HERC4: variants seen among roughly 807,000 people sequenced by gnomAD.
HERC4 encodes the protein HECT and RLD domain containing E3 ubiquitin protein ligase 4.
In HERC4, 28 loss-of-function variants were observed where a neutral mutation model predicts 124.3. The observed-to-expected ratio is 0.23, with a 90% CI of 0.17 to 0.31. HERC4 has a LOEUF of 0.31. Among genes scored for constraint, HERC4 ranks in the 10% least tolerant of loss-of-function variants. The pLI is 1.00. For missense variants in HERC4, 713 were observed against 1,229.3 expected, an observed-to-expected ratio of 0.58 and a Z score of 6.28; for synonymous variants, 407 against 421.5, an observed-to-expected ratio of 0.97 and a Z score of 0.42.
chr10:68,028,450 T>C (rs1284036348), intron 7 of HERC4, among the ~76,000 whole-genome samples: 2 of 152,198 alleles, frequency 1.3e-5, no homozygotes, highest in African/African-American at 4.8e-5. Flanking sequence ...GAGAGCACCG[T>C]AGTAATCTTT....
chr10:67,996,265 T>TC, intron 9 of HERC4: 1 of 337,604 alleles, frequency 3.0e-6, no homozygotes, highest in Non-Finnish European at 5.8e-6. Context: ...TTCTTCTTCT[T>TC]CTTTACAAAA....
intron 4 of HERC4, among the ~76,000 whole-genome samples, chr10:68,038,791 C>G (rs1382721302): frequency 6.6e-6 from 1 of 152,134 alleles, no homozygotes; most frequent in Non-Finnish European, 1.5e-5. Flanking sequence ...GTCTTATTTT[C>G]TTCTGTCTTG....
At chr10:68,060,079 T>C (rs192571396) in intron 3 of HERC4, among the ~76,000 whole-genome samples, 1 of 150,090 alleles carries the variant, frequency 6.7e-6, no homozygotes, top group African/African-American at 2.5e-5. Context: ...AGTCTGACTG[T>C]TCTCACCAAA....
chr10:67,970,500 G>A (rs545161820), intron 15 of HERC4, among the ~76,000 whole-genome samples: 15 of 152,046 alleles, frequency 9.9e-5, no homozygotes, highest in African/African-American at 2.9e-4. Flanking sequence ...GCTAAAGCAC[G>A]AGAATTGCTT....
rs1168555989 is a variant in HERC4 at position 67,996,246 on chromosome 10, T to G, written c.1070-3564A>C. The G allele has an allele frequency of 1.1e-5, 4 of 352,802 alleles. No homozygotes were observed. In the Admixed American group the frequency reaches 1.2e-4, roughly 10 times the overall value. 21.9% of individuals were successfully genotyped at this position (352,802 alleles called of 1,614,324 possible). A position where few individuals can be genotyped will look rare whatever the true frequency, so the allele number is the denominator to read the frequency against. ...GTGATCACGCCACTGCAATCCAGCC[T>G]GGGCAGCCTTCTTCTTCTTCTTTAC... On this transcript the variant is annotated intron_variant, in intron 9 of 24. Coordinates refer to ENST00000373700, the MANE Select transcript of HERC4 (RefSeq NM_015601.4).
chr10:68,006,434 C>T (rs1183671301), intron 9 of HERC4, among the ~76,000 whole-genome samples: 2 of 149,298 alleles, frequency 1.3e-5, no homozygotes, highest in African/African-American at 2.5e-5. Context: ...TGCAATGGTG[C>T]GATCTCAGCT....
At chr10:68,008,618 A>G (rs973317853) in intron 9 of HERC4, among the ~76,000 whole-genome samples, 1 of 152,190 alleles carries the variant, frequency 6.6e-6, no homozygotes, top group Admixed American at 6.5e-5. Flanking sequence ...TATTTTTAAT[A>G]AGCAATAGAT....
intron 22 of HERC4, among the ~76,000 whole-genome samples, chr10:67,933,618 T>A (rs908587880): frequency 2.4e-4 from 36 of 152,268 alleles, no homozygotes; most frequent in African/African-American, 7.0e-4. Context: ...AGTTTTTTTT[T>A]AAAACAAGGA....
intron 9 of HERC4, chr10:67,995,115 C>T (rs775942313): frequency 7.1e-5 from 24 of 336,746 alleles, no homozygotes; most frequent in Non-Finnish European, 1.1e-4. Flanking sequence ...TTGGCTTGGT[C>T]TTCTGTTCTG....
chr10:68,046,199 A>T (rs1012074729), intron 3 of HERC4, among the ~76,000 whole-genome samples: 1 of 152,154 alleles, frequency 6.6e-6, no homozygotes, highest in African/African-American at 2.4e-5. Flanking sequence ...CATAAATCTT[A>T]ATTATGAAGA....
intron 8 of HERC4, among the ~76,000 whole-genome samples, chr10:68,021,765 G>A (rs184445040): frequency 5.1e-4 from 78 of 152,120 alleles, no homozygotes; most frequent in East Asian, 2.9e-3. Context: ...CCGAGATCAC[G>A]CCATTGCACT....
chr10:68,005,401 C>A (rs1266278308), intron 9 of HERC4, among the ~76,000 whole-genome samples: 2 of 152,088 alleles, frequency 1.3e-5, no homozygotes, highest in Non-Finnish European at 2.9e-5. Context: ...CTTTTTCCAT[C>A]CCTTTATTTT....
At chr10:68,061,617 G>A (rs1320062154) in intron 3 of HERC4, among the ~76,000 whole-genome samples, 3 of 144,682 alleles carry the variant, frequency 2.1e-5, no homozygotes, top group Non-Finnish European at 4.5e-5. Context: ...AGTGGCTCAC[G>A]CCTGTAATCC....
At chr10:67,983,674 C>A (rs908675251) in intron 15 of HERC4, among the ~76,000 whole-genome samples, 3 of 151,280 alleles carry the variant, frequency 2.0e-5, no homozygotes, top group African/African-American at 7.3e-5. Flanking sequence ...GTGGTCCCAG[C>A]TGCTCGGGAG....
chr10:67,932,495 G>T (rs947301458), intron 23 of HERC4, 102 bp downstream of exon 23: 1 of 940,268 alleles, frequency 1.1e-6, no homozygotes, highest in African/African-American at 1.7e-5. Context: ...CTGTAAAATG[G>T]TAGTAATAAA....
rs568158697 is a variant in HERC4, at chr10:68,020,387, A to T, written c.908+5159T>A. 2.6e-5 allele frequency among the ~76,000 whole-genome samples: 4 copies of T among 152,242 alleles called. No individual in the cohort carries two copies. In the East Asian group the frequency reaches 7.7e-4, roughly 29 times the overall value. On this transcript the variant is annotated intron_variant, in intron 8 of 24. Coordinates refer to ENST00000373700, the MANE Select transcript of HERC4 (RefSeq NM_015601.4). Reference sequence around the variant, plus strand: ...AAAGACTAAATCAAACATCCTAAAGATGCTCAAAGAACTAGAGTAAGACGT... The same window carrying T: ...AAAGACTAAATCAAACATCCTAAAGTTGCTCAAAGAACTAGAGTAAGACGT...
chr10:67,966,613 A>C, intron 16 of HERC4, 70 bp downstream of exon 16: 1 of 1,459,414 alleles, frequency 6.9e-7, no homozygotes, highest in Middle Eastern at 2.0e-4. Context: ...TTCAAAACCA[A>C]GCAATTGTTT....
rs577170483 is a variant in HERC4 at position 67,952,409 on chromosome 10, G to A, written c.2337+2186C>T. 8.9e-4 allele frequency among the ~76,000 whole-genome samples: 135 copies of A among 151,878 alleles called. 1 individual carries two copies. Among genetic ancestry groups the A allele is most frequent in the African/African-American group, 2.9e-3 (122 of 41,486 alleles). On this transcript the variant is annotated intron_variant, in intron 19 of 24. Transcript: ENST00000373700. ...AGCGATTCTCCTGCCTCAGCTTTCC[G>A]AGTAGCTGGGATTACAGGCATGTAC...
intron 3 of HERC4, among the ~76,000 whole-genome samples, chr10:68,063,739 A>G (rs540869224): frequency 6.6e-6 from 1 of 152,164 alleles, no homozygotes; most frequent in South Asian, 2.1e-4. Context: ...GGAGTTTGAG[A>G]CCAGCCTGGT....
Sources: allele counts gnomAD v4.1 joint callset (sites outside exome capture counted in the v4.1 genomes callset), GRCh38; gene constraint gnomAD v4.1.1; transcripts MANE v1.5; gene names NCBI Gene and HGNC (gene_info 2026-07-23, HGNC 2026-07-21).